Variants in LRRC37A2 observed in about 807,000 individuals in gnomAD.
LRRC37A2 encodes the protein leucine rich repeat containing 37 member A2.
LRRC37A2 carries 9 observed loss-of-function variants against 68.8 expected under a neutral mutation model. The ratio of observed to expected loss-of-function variants is 0.13; its 90% confidence interval spans 0.08 to 0.23. The LOEUF (loss-of-function observed/expected upper bound fraction) is 0.23, where lower values mean the gene tolerates loss of function less well. LRRC37A2 is among the 10% of genes least tolerant of loss of function. The pLI, the probability that LRRC37A2 is intolerant of heterozygous loss-of-function variation, is 1.00. For missense variants in LRRC37A2, 168 were observed against 950.4 expected, an observed-to-expected ratio of 0.18 and a Z score of 10.82; for synonymous variants, 63 against 367.6, an observed-to-expected ratio of 0.17 and a Z score of 9.48.
chr17:47,034,278 T>C, the LRRC37A2 span, among the ~76,000 whole-genome samples: 4 of 152,254 alleles, frequency 2.6e-5, no homozygotes, highest in Admixed American at 1.3e-4. Context: ...ACTTGAGCCA[T>C]TGAGCCAGTT....
the LRRC37A2 span, among the ~76,000 whole-genome samples, chr17:46,489,591 T>C: frequency 6.7e-6 from 1 of 149,140 alleles, no homozygotes. Flanking sequence ...GTTCAAGCAG[T>C]TCTCCTGCCT....
chr17:47,019,718 A>G, the LRRC37A2 span: 10 of 1,006,418 alleles, frequency 9.9e-6, no homozygotes, highest in Non-Finnish European at 1.5e-5. Flanking sequence ...AGATGTTGTC[A>G]TGTATTGATC....
At chr17:46,829,775 G>A in the LRRC37A2 span, among the ~76,000 whole-genome samples, 159 of 151,956 alleles carry the variant, frequency 1.0e-3, 1 homozygote, top group African/African-American at 3.6e-3. Flanking sequence ...AGTAGGGGGT[G>A]GGGGCAAAGT....
At chr17:46,850,538 T>C in the LRRC37A2 span, among the ~76,000 whole-genome samples, 1 of 152,090 alleles carries the variant, frequency 6.6e-6, no homozygotes, top group Non-Finnish European at 1.5e-5. Context: ...GCATGGCTGA[T>C]TTTTTGGAAA....
the LRRC37A2 span, among the ~76,000 whole-genome samples, chr17:46,842,965 C>T: frequency 2.0e-5 from 3 of 152,158 alleles, no homozygotes; most frequent in Non-Finnish European, 4.4e-5. Context: ...AAGCCAGAGA[C>T]AAGATTTTAA....
the LRRC37A2 span, among the ~76,000 whole-genome samples, chr17:46,703,675 C>T: frequency 2.6e-5 from 3 of 114,374 alleles, no homozygotes; most frequent in African/African-American, 7.4e-5. Context: ...AGTGAGACTC[C>T]GTCTCAAAAA....
At chr17:47,035,634 A>G in the LRRC37A2 span, among the ~76,000 whole-genome samples, 1 of 152,196 alleles carries the variant, frequency 6.6e-6, no homozygotes, top group East Asian at 1.9e-4. Context: ...ACATGCATGT[A>G]CTACTTTTTG....
At chr17:46,757,609 T>G in the LRRC37A2 span, 1 of 152,254 alleles carries the variant, frequency 6.6e-6, no homozygotes, top group East Asian at 1.9e-4. Context: ...TAAAAATCTC[T>G]TATTTAGAAA....
chr17:46,633,788 T>C, the LRRC37A2 span, among the ~76,000 whole-genome samples: 1 of 116,154 alleles, frequency 8.6e-6, no homozygotes, highest in African/African-American at 4.1e-5. Context: ...CCTATAAATG[T>C]TTTCAAACTA....
chr17:46,879,883 C>T, the LRRC37A2 span, among the ~76,000 whole-genome samples: 3 of 152,216 alleles, frequency 2.0e-5, no homozygotes, highest in African/African-American at 7.2e-5. Context: ...CCTGAGAAGG[C>T]TGGAGAGACC....
At chr17:46,923,347 G>T in the LRRC37A2 span, 1 of 1,522,076 alleles carries the variant, frequency 6.6e-7, no homozygotes, top group Non-Finnish European at 8.8e-7. Context: ...GGCACTGCTG[G>T]GGATGCCTCC....
At chr17:46,841,852 G>A in the LRRC37A2 span, among the ~76,000 whole-genome samples, 25,199 of 152,252 alleles carry the variant, frequency 0.17, 2,379 homozygotes, top group East Asian at 0.37. Context: ...AAAGTGAAGG[G>A]GTAGGCCGAC....
the LRRC37A2 span, among the ~76,000 whole-genome samples, chr17:46,848,257 G>A: frequency 2.6e-5 from 4 of 152,168 alleles, no homozygotes; most frequent in Admixed American, 6.5e-5. Flanking sequence ...CCGTGTCCGA[G>A]CCCAGGAAGG....
chr17:46,918,353 C>T, the LRRC37A2 span, among the ~76,000 whole-genome samples: 1 of 152,206 alleles, frequency 6.6e-6, no homozygotes, highest in African/African-American at 2.4e-5. Context: ...GCTGGGATTA[C>T]AGGCGTGAAC....
chr17:46,965,691 CG>C, the LRRC37A2 span, among the ~76,000 whole-genome samples: 1 of 152,106 alleles, frequency 6.6e-6, no homozygotes, highest in African/African-American at 2.4e-5. Flanking sequence ...GGTGTGATCA[CG>C]GCACGCTGCA....
chr17:46,746,214 A>G, the LRRC37A2 span, among the ~76,000 whole-genome samples: 1 of 152,202 alleles, frequency 6.6e-6, no homozygotes, highest in Admixed American at 6.5e-5. Flanking sequence ...TCCTCAAATA[A>G]TAATAATGAT....
At chr17:47,020,805 A>AAAAAAAAAAAAAAAAG in the LRRC37A2 span, among the ~76,000 whole-genome samples, 2 of 136,526 alleles carry the variant, frequency 1.5e-5, no homozygotes, top group African/African-American at 2.6e-5. Flanking sequence ...AAAAAAAAAA[A>AAAAAAAAAAAAAAAAG]ATAGGAGGGA....
chr17:46,979,298 T>G, the LRRC37A2 span: 3 of 245,688 alleles, frequency 1.2e-5, no homozygotes, highest in Non-Finnish European at 2.4e-5. Context: ...TGGCCGCCCC[T>G]CCCCTAGCAA....
chr17:47,004,004 A>G, the LRRC37A2 span, among the ~76,000 whole-genome samples: 1 of 152,108 alleles, frequency 6.6e-6, no homozygotes, highest in East Asian at 1.9e-4. Context: ...GTTTGCTGAG[A>G]ATGATGGTTT....
Sources: allele counts gnomAD v4.1 joint callset (sites outside exome capture counted in the v4.1 genomes callset), GRCh38; gene constraint gnomAD v4.1.1; transcripts MANE v1.5; gene names NCBI Gene and HGNC (gene_info 2026-07-23, HGNC 2026-07-21).